The following ABCC6 variants were observed in gnomAD, a reference collection of about 807,000 sequenced individuals.
ABCC6 encodes the protein ATP-binding cassette sub-family C member 6.
In ABCC6, 126 loss-of-function variants were observed where a neutral mutation model predicts 169.5. The observed-to-expected ratio is 0.74, with a 90% CI of 0.64 to 0.86. ABCC6 has a LOEUF of 0.86. Ranked by LOEUF, ABCC6 falls within the 40% of genes least tolerant of loss-of-function variation. ABCC6 has a pLI of 0.00. For synonymous variants in ABCC6, 752 were observed against 814.7 expected, an observed-to-expected ratio of 0.92 and a Z score of 1.31; for missense variants, 1,733 against 1,927.2, an observed-to-expected ratio of 0.90 and a Z score of 1.89.
intron 20 of ABCC6, among the ~76,000 whole-genome samples, chr16:16,174,437 C>T (rs114317097): frequency 1.8e-3 from 274 of 152,182 alleles, no homozygotes; most frequent in African/African-American, 5.9e-3. Flanking sequence ...AGGGACTGCC[C>T]GATGTGCGGA....
intron 19 of ABCC6, 28 bp from the exon 20 acceptor site, chr16:16,176,014 C>A: frequency 6.2e-7 from 1 of 1,608,608 alleles, no homozygotes; most frequent in Non-Finnish European, 8.5e-7. Context: ...TCCTGTCACG[C>A]AACACGGCCC....
intron 5 of ABCC6, among the ~76,000 whole-genome samples, chr16:16,212,554 C>CCTAT (rs1417044661): frequency 6.6e-6 from 1 of 151,058 alleles, no homozygotes; most frequent in Non-Finnish European, 1.5e-5. Context: ...AAGTGATCTG[C>CCTAT]CTATCTCGGC....
At chr16:16,155,546 C>T (rs1286951505) in intron 27 of ABCC6, 2 of 164,694 alleles carry the variant, frequency 1.2e-5, no homozygotes, top group East Asian at 1.7e-4. Context: ...TTCACTAATC[C>T]TTTCATTCAT....
At position 16,163,158 on chromosome 16, in the gene ABCC6, C is replaced by T. The variant is rs63750427; in HGVS notation, c.3341G>A (p.Arg1114His). ...LYVVSSCQLR[R>H]LESASYSSVC... ...AGACGAGTAGCTGGCTGACTCCAAG[C>T]GTCTCAGCTGGCATGAGCTAACCAC... is the stretch of plus-strand genomic sequence containing the variant. Residue 1114 changes from arginine (R) to histidine (H), a missense_variant, in exon 24 of 31, where the codon CGC becomes CAC. Around this residue, in one of 5 missense-constraint regions of ABCC6, gnomAD observed 1,601 missense variants for 1,635.5 expected, o/e 0.98. Transcript: ENST00000205557. 1.7e-5 allele frequency: 27 copies of T among 1,613,512 alleles called. No homozygotes were observed. The highest frequency in any genetic ancestry group is 1.5e-4 in the African/African-American group (11 of 74,910).
intron 4 of ABCC6, among the ~76,000 whole-genome samples, chr16:16,215,565 C>T (rs1191485449): frequency 2.0e-5 from 3 of 151,324 alleles, no homozygotes; most frequent in Admixed American, 6.6e-5. Flanking sequence ...CCTCCGCCTC[C>T]TGGGTTCAAG....
Position 16,150,025 on chromosome 16 carries a change from T to A in ABCC6, c.*108A>T. The A allele has an allele frequency of 6.6e-7, 1 of 1,505,402 alleles. No individual in the cohort carries two copies. The highest frequency in any genetic ancestry group is 1.2e-5 in the South Asian group (1 of 83,440). The allele number at this position is 1,505,402 out of a possible 1,614,324, so 93.3% of individuals were successfully genotyped here. Reference sequence around the variant, plus strand: ...TTTCCTCCCAGAGAGCAAACACAGGTCTAGACTCAATATCGTGTGGAGCTA... The same window carrying A: ...TTTCCTCCCAGAGAGCAAACACAGGACTAGACTCAATATCGTGTGGAGCTA... On this transcript the variant is annotated 3_prime_UTR_variant, in exon 31 of 31. Transcript: ENST00000205557.
At chr16:16,191,211 G>A (rs2047843524) in intron 11 of ABCC6, among the ~76,000 whole-genome samples, 1 of 152,200 alleles carries the variant, frequency 6.6e-6, no homozygotes, top group Admixed American at 6.5e-5. Context: ...CGCCTCCTGG[G>A]TTCAAGCGAT....
rs746642507 is a variant in ABCC6, at chr16:16,221,880, C to A, written c.37-49G>T. 6 of 1,612,016 alleles carry A rather than the reference C, an allele frequency of 3.7e-6. No individual in the cohort carries two copies. The Admixed American group carries it at 8.3e-5, about 22-fold the overall frequency. ...TTAGGATGGTACAAGGCAGGGGTCC[C>A]CAGCTCACCTGCCCAGGGGGCCAGG... is the stretch of plus-strand genomic sequence containing the variant. On this transcript the variant is annotated intron_variant, in intron 1 of 30. Transcript: ENST00000205557.
intron 10 of ABCC6, among the ~76,000 whole-genome samples, chr16:16,194,085 A>T (rs1278877758): frequency 1.3e-5 from 2 of 152,216 alleles, no homozygotes; most frequent in Non-Finnish European, 2.9e-5. Context: ...ACAACAGTAA[A>T]GTTGAGACCT....
chr16:16,153,523 C>T (rs529561179), intron 29 of ABCC6, among the ~76,000 whole-genome samples: 29 of 152,074 alleles, frequency 1.9e-4, no homozygotes, highest in Non-Finnish European at 3.1e-4. Context: ...GGTGGCTGGG[C>T]GCTGGGGGAG....
intron 23 of ABCC6, among the ~76,000 whole-genome samples, 184 bp from the exon 24 acceptor site, chr16:16,163,376 T>A (rs963459296): frequency 6.6e-6 from 1 of 152,196 alleles, no homozygotes; most frequent in African/African-American, 2.4e-5. Context: ...CAGAGTTCTA[T>A]GGTTTTTTTG....
chr16:16,182,281 A>G, intron 17 of ABCC6, 131 bp downstream of exon 17: 1 of 1,166,058 alleles, frequency 8.6e-7, no homozygotes, highest in Non-Finnish European at 1.3e-6. Flanking sequence ...CGCTGAGCTG[A>G]GCCCTTTTTC....
chr16:16,178,006 A>AAGAG (rs909161695), intron 18 of ABCC6, among the ~76,000 whole-genome samples: 1 of 147,120 alleles, frequency 6.8e-6, no homozygotes, highest in African/African-American at 2.5e-5. Context: ...GAAGGAAGGA[A>AAGAG]AGAGAGAGAG....
Position 16,177,541 on chromosome 16 carries a change from A to G in ABCC6, c.2501T>C (p.Met834Thr), listed in dbSNP as rs1355752953. The G allele has an allele frequency of 4.3e-6, 7 of 1,614,106 alleles. No homozygotes were observed. Among genetic ancestry groups the G allele is most frequent in the African/African-American group, 1.3e-5 (1 of 74,940 alleles). ...CTGCAGAAGCTCCTGGTAGGAACCCATCTCTGCGATGGCCCCATTTGCCAG... is the reference window on the plus strand; with the variant it reads ...CTGCAGAAGCTCCTGGTAGGAACCCGTCTCTGCGATGGCCCCATTTGCCAG... Reference protein sequence around the residue: ...IVLANGAIAEMGSYQELLQRK... With the variant: ...IVLANGAIAETGSYQELLQRK... Residue 834 changes from methionine to threonine, a missense_variant, in exon 19 of 31, where the codon ATG becomes ACG. By Grantham distance (81) the Met-to-Thr change is moderately conservative. Around this residue, in one of 5 missense-constraint regions of ABCC6, gnomAD observed 1,601 missense variants for 1,635.5 expected, o/e 0.98. Coordinates refer to ENST00000205557, the MANE Select transcript of ABCC6 (RefSeq NM_001171.6).
intron 1 of ABCC6, among the ~76,000 whole-genome samples, chr16:16,222,117 A>T (rs972195652): frequency 3.9e-5 from 6 of 152,224 alleles, no homozygotes; most frequent in African/African-American, 1.4e-4. Context: ...GAACCCAGGG[A>T]ACTGGGCCAT....
At chr16:16,189,055 G>A (rs2047752575) in intron 12 of ABCC6, 81 bp from the exon 13 acceptor site, 1 of 1,525,034 alleles carries the variant, frequency 6.6e-7, no homozygotes, top group Non-Finnish European at 9.0e-7. Flanking sequence ...TGTGGTGCCT[G>A]CACGGTCCAT....
chr16:16,168,323 T>TATC (rs1305498682), intron 22 of ABCC6, among the ~76,000 whole-genome samples: 2 of 6,664 alleles, frequency 3.0e-4, no homozygotes, highest in East Asian at 4.4e-3. Flanking sequence ...AAACCGTCTC[T>TATC]ATCAAAAACA....
chr16:16,199,095 G>A (rs1396379795), intron 9 of ABCC6, among the ~76,000 whole-genome samples: 3 of 147,512 alleles, frequency 2.0e-5, no homozygotes, highest in Admixed American at 1.4e-4. Flanking sequence ...TTGAGTACAG[G>A]AGGTTGAGGC....
chr16:16,158,848 ACT>A (rs2046628783), intron 26 of ABCC6, among the ~76,000 whole-genome samples: 3 of 151,042 alleles, frequency 2.0e-5, no homozygotes, highest in African/African-American at 7.3e-5. Flanking sequence ...CTACTCTGTT[ACT>A]CTGTTACAGT....
Sources: gnomAD v4.1 joint callset for allele counts (sites outside exome capture counted in the v4.1 genomes callset) on GRCh38, gnomAD v4.1.1 for gene constraint, gnomAD v4.1.1 regional missense constraint, MANE v1.5 for transcripts, NCBI Gene and HGNC (gene_info 2026-07-23, HGNC 2026-07-21) for gene names.